Variants in CELF2 observed in about 807,000 individuals in gnomAD.
CELF2 encodes CUG triplet repeat RNA-binding protein 2.
CELF2 carries 8 observed loss-of-function variants against 62.6 expected under a neutral mutation model. The observed-to-expected ratio is 0.13, with a 90% CI of 0.07 to 0.23. The LOEUF (loss-of-function observed/expected upper bound fraction) is 0.23, where lower values mean the gene tolerates loss of function less well. Among genes scored for constraint, CELF2 ranks in the 10% least tolerant of loss-of-function variants. The pLI, the probability that CELF2 is intolerant of heterozygous loss-of-function variation, is 1.00. For synonymous variants in CELF2, 258 were observed against 250.0 expected, an observed-to-expected ratio of 1.03 and a Z score of -0.30; for missense variants, 333 against 671.0, an observed-to-expected ratio of 0.50 and a Z score of 5.56.
In CELF2 at chr10:11,297,528, GA is replaced by G. The variant is rs1373228621; in HGVS notation, c.976+8980del. 3.9e-5 allele frequency among the ~76,000 whole-genome samples: 6 copies of G among 152,130 alleles called. No homozygotes were observed. The highest frequency in any genetic ancestry group is 7.4e-5 in the Non-Finnish European group (5 of 68,022). Reference sequence around the variant, plus strand: ...GCCAAGCAGGATGGGGCTGGAGGAGGAAAAGGCAGAAAGAGCTGACTGAAGT... The same window carrying G: ...GCCAAGCAGGATGGGGCTGGAGGAGGAAAGGCAGAAAGAGCTGACTGAAGT... On this transcript the variant is annotated intron_variant, in intron 9 of 12. Transcript: ENST00000633077. The surrounding 1 kb of genome is among the most constrained non-coding windows in gnomAD (Gnocchi z 4.4).
chr10:10,504,131 G>A, the CELF2 span, among the ~76,000 whole-genome samples: 130 of 152,074 alleles, frequency 8.5e-4, 1 homozygote, highest in East Asian at 0.012. Context: ...AAAACTTAAG[G>A]AAATCCAGTT....
At chr10:11,099,236 C>T (rs943269911) in intron 1 of CELF2, among the ~76,000 whole-genome samples, 1 of 152,170 alleles carries the variant, frequency 6.6e-6, no homozygotes, top group African/African-American at 2.4e-5. Context: ...ATGGGCTGTT[C>T]TGCTCTTCAG....
At chr10:10,756,310 C>T in the CELF2 span, among the ~76,000 whole-genome samples, 1 of 152,134 alleles carries the variant, frequency 6.6e-6, no homozygotes, top group East Asian at 1.9e-4. Context: ...GAAAATTTAT[C>T]TTGCTGATTA....
In CELF2 at chr10:11,091,419, T is replaced by C. The variant is rs142163169; in HGVS notation, c.74+73256T>C. 2.6e-3 allele frequency among the ~76,000 whole-genome samples: 399 copies of C among 152,350 alleles called. 2 individuals are homozygous for C. In the Middle Eastern group the frequency reaches 0.027, roughly 10 times the overall value. On this transcript the variant is annotated intron_variant, in intron 1 of 12. Transcript: ENST00000633077. Reference sequence around the variant, plus strand: ...GCCTGTTCTGGGCTTGAGAAAATACTGACCTCCATGCCTAGGACCTGAAAG... The same window carrying C: ...GCCTGTTCTGGGCTTGAGAAAATACCGACCTCCATGCCTAGGACCTGAAAG...
intron 1 of CELF2, among the ~76,000 whole-genome samples, chr10:11,060,015 T>G (rs561332757): frequency 2.0e-5 from 3 of 152,342 alleles, no homozygotes; most frequent in Admixed American, 2.0e-4. Context: ...CAGAAACACA[T>G]CTTTGAAATC....
At chr10:11,257,935 G>A (rs1314784283) in intron 5 of CELF2, 63 bp downstream of exon 5, 12 of 1,594,048 alleles carry the variant, frequency 7.5e-6, no homozygotes, top group South Asian at 3.3e-5. Flanking sequence ...TGTCACAGTC[G>A]AGACAGATGT....
At chr10:11,009,865 T>C (rs1172857266) in intron 1 of CELF2, among the ~76,000 whole-genome samples, 2 of 152,250 alleles carry the variant, frequency 1.3e-5, no homozygotes, top group Non-Finnish European at 2.9e-5. Context: ...ATACCTCCGA[T>C]ATGCGTGGCT....
the CELF2 span, among the ~76,000 whole-genome samples, chr10:10,509,337 T>C: frequency 0.068 from 10,334 of 152,150 alleles, 590 homozygotes; most frequent in African/African-American, 0.16. Context: ...TCACTCCCAA[T>C]GTAACAATAT....
At chr10:11,128,255 C>A (rs2059048122) in intron 1 of CELF2, among the ~76,000 whole-genome samples, 1 of 152,170 alleles carries the variant, frequency 6.6e-6, no homozygotes, top group South Asian at 2.1e-4. Context: ...TGTTTTGGTA[C>A]CAGTACCATG....
At chr10:11,028,607 G>T (rs1392175252) in intron 1 of CELF2, among the ~76,000 whole-genome samples, 1 of 151,278 alleles carries the variant, frequency 6.6e-6, no homozygotes, top group Non-Finnish European at 1.5e-5. Flanking sequence ...TTTTAGTAAA[G>T]ATGGGGTTTC....
At chr10:10,618,961 A>G in the CELF2 span, among the ~76,000 whole-genome samples, 3 of 151,628 alleles carry the variant, frequency 2.0e-5, no homozygotes, top group African/African-American at 7.3e-5. Flanking sequence ...TAGCATGTGA[A>G]GAAGCTGGCC....
At chr10:11,206,196 A>G (rs2060387196) in intron 2 of CELF2, among the ~76,000 whole-genome samples, 1 of 152,200 alleles carries the variant, frequency 6.6e-6, no homozygotes, top group African/African-American at 2.4e-5. Flanking sequence ...AGTCCAGGGA[A>G]TTCAAGCTGA....
chr10:11,169,077 C>T (rs2068061985), intron 2 of CELF2: 1 of 152,220 alleles, frequency 6.6e-6, no homozygotes, highest in Admixed American at 6.5e-5. Context: ...GGGCATGTTA[C>T]TTAATCACAT....
intron 2 of CELF2, chr10:10,927,362 A>AC (rs1200834139): frequency 2.0e-5 from 3 of 151,378 alleles, no homozygotes; most frequent in Non-Finnish European, 4.4e-5. Context: ...AAAAAAAAAA[A>AC]AAAACACCTT....
the CELF2 span, among the ~76,000 whole-genome samples, chr10:10,562,786 T>TACCTCCCTGCCCTCCACAGCCG: frequency 7.2e-6 from 1 of 139,270 alleles, no homozygotes; most frequent in African/African-American, 3.1e-5. Context: ...ATACGGAGCC[T>TACCTCCCTGCCCTCCACAGCCG]ACCTCCCTGC....
At chr10:11,304,403 G>A (rs1442794368) in intron 9 of CELF2, among the ~76,000 whole-genome samples, 1 of 152,120 alleles carries the variant, frequency 6.6e-6, no homozygotes, top group African/African-American at 2.4e-5. Flanking sequence ...TCCATTTTCT[G>A]TGGCTTATAA....
intron 2 of CELF2, among the ~76,000 whole-genome samples, chr10:10,986,871 A>G (rs2052820863): frequency 6.6e-6 from 1 of 152,326 alleles, no homozygotes; most frequent in African/African-American, 2.4e-5. Flanking sequence ...TTATATGACT[A>G]TATCAAAGGA....
rs749942285 is a variant in CELF2, at chr10:11,156,541, C to T, written c.75-8945C>T. Among the ~76,000 whole-genome samples the T allele has an allele frequency of 6.6e-6, 1 of 152,150 alleles. No homozygotes were observed. Among genetic ancestry groups the T allele is most frequent in the East Asian group, 1.9e-4 (1 of 5,202 alleles). On this transcript the variant is annotated intron_variant, in intron 1 of 12. Transcript: ENST00000633077. This position sits in a 1 kb window ranked among gnomAD's most constrained non-coding sequence, Gnocchi z 4.3. The stretch of plus-strand genomic sequence containing the variant: ...TAATCGATAAGGCTTACTTATTTGC[C>T]TATTTCATGCCCACTCTAGAATATA...
chr10:11,190,487 T>G (rs2076033169), intron 2 of CELF2, among the ~76,000 whole-genome samples: 1 of 152,062 alleles, frequency 6.6e-6, no homozygotes, highest in Non-Finnish European at 1.5e-5. Flanking sequence ...AAATGAACAC[T>G]AAAGGCAGAG....
Sources: gnomAD v4.1 joint callset for allele counts (sites outside exome capture counted in the v4.1 genomes callset) on GRCh38, gnomAD v4.1.1 for gene constraint, Gnocchi (gnomAD v3.1) non-coding constraint, MANE v1.5 for transcripts, NCBI Gene and HGNC (gene_info 2026-07-23, HGNC 2026-07-21) for gene names.